HLTF: variants seen among roughly 807,000 people sequenced by gnomAD.
The protein encoded by HLTF is DNA-dependent ATPase/E3 ubiquitin-protein ligase HLTF.
HLTF carries 127 observed loss-of-function variants against 129.4 expected under a neutral mutation model. The ratio of observed to expected loss-of-function variants is 0.98; its 90% CI spans 0.85 to 1.14. The LOEUF is 1.14. Ranked by LOEUF, HLTF falls within the 50% of genes most tolerant of loss-of-function variation. HLTF has a pLI of 0.00. For missense variants in HLTF, 1,139 were observed against 1,187.1 expected, an observed-to-expected ratio of 0.96 and a Z score of 0.60; for synonymous variants, 332 against 388.8, an observed-to-expected ratio of 0.85 and a Z score of 1.72.
intron 23 of HLTF, among the ~76,000 whole-genome samples, chr3:149,036,964 T>A (rs1715690833): frequency 6.6e-6 from 1 of 152,158 alleles, no homozygotes; most frequent in South Asian, 2.1e-4. Flanking sequence ...CTGATCAACT[T>A]TTTCATACTA....
Position 149,060,766 on chromosome 3 carries a change from T to G in HLTF, c.1240+13A>C. 1 of 1,609,472 alleles carries G rather than the reference T, an allele frequency of 6.2e-7. No individual in the cohort carries two copies. The highest frequency in any genetic ancestry group is 8.5e-7 in the Non-Finnish European group (1 of 1,175,996). On this transcript the variant is annotated intron_variant, in intron 11 of 24. Transcript: ENST00000310053. ...ATAGGACACATTATCAAATCAAATC[T>G]ATTACATGTTACCTTTCATTTTCTG... is the stretch of plus-strand genomic sequence containing the variant.
At position 149,032,957 on chromosome 3, in the gene HLTF, C is replaced by CAAA. The variant is rs67952189; in HGVS notation, c.2878-588_2878-586dup. 4.2e-3 allele frequency among the ~76,000 whole-genome samples: 282 copies of CAAA among 67,538 alleles called. 4 individuals are homozygous for CAAA. The highest frequency in any genetic ancestry group is 0.015 in the African/African-American group (254 of 17,398). 44.3% of individuals were successfully genotyped at this position (67,538 alleles called of 152,430 possible). ...CAGCCTGGGTGACAGAGCGACGTCT[C>CAAA]AAAAAAAAAAAAAAAAAAAACAAAA... is the stretch of plus-strand genomic sequence containing the variant. On this transcript the variant is annotated intron_variant, in intron 24 of 24. Coordinates refer to ENST00000310053, the MANE Select transcript of HLTF (RefSeq NM_003071.4).
chr3:149,078,964 G>C (rs1310097425), intron 2 of HLTF, among the ~76,000 whole-genome samples: 1 of 151,990 alleles, frequency 6.6e-6, no homozygotes, highest in East Asian at 1.9e-4. Flanking sequence ...AGCAATTCTA[G>C]AGTCAAAAGG....
At chr3:149,032,611 G>C (rs771422616) in intron 24 of HLTF, among the ~76,000 whole-genome samples, 9 of 150,240 alleles carry the variant, frequency 6.0e-5, no homozygotes, top group Non-Finnish European at 1.2e-4. Context: ...AAGCAATAAA[G>C]AAAAAAAAAG....
intron 7 of HLTF, among the ~76,000 whole-genome samples, chr3:149,069,472 GAA>G (rs36037300): frequency 8.1e-6 from 1 of 122,724 alleles, no homozygotes; most frequent in Non-Finnish European, 1.8e-5. Context: ...TCCATCTCAA[GAA>G]AAAAAAAAAA....
chr3:149,068,691 T>G (rs993356924), intron 7 of HLTF, among the ~76,000 whole-genome samples: 7 of 152,212 alleles, frequency 4.6e-5, no homozygotes, highest in Admixed American at 1.3e-4. Context: ...CTAAAGTGAT[T>G]AGTAATTCCA....
At position 149,084,812 on chromosome 3, in the gene HLTF, A is replaced by G. The variant is rs374007638; in HGVS notation, c.98T>C (p.Phe33Ser). 6.2e-6 allele frequency: 10 copies of G among 1,614,004 alleles called. No individual in the cohort carries two copies. Among genetic ancestry groups the G allele is most frequent in the Middle Eastern group, 1.6e-4 (1 of 6,084 alleles). ...GNFPRLSYPT[F>S]FPRFEFQDVI... ...ATCTTGGAATTCAAAACGTGGAAAG[A>G]AAGTTGGATATGAGAGGCGTGGAAA... The change falls in exon 2 of 25, where the codon TTC (phenylalanine) becomes TCC (serine). Residue 33 changes from phenylalanine (F) to serine (S), a missense_variant. By Grantham distance (155) the Phe-to-Ser change is radical. Coordinates refer to ENST00000310053, the MANE Select transcript of HLTF (RefSeq NM_003071.4).
chr3:149,059,756 GAA>G lies in HLTF; in HGVS notation c.1335_1336del (p.Ser446IlefsTer24), dbSNP rs1342021869. The G allele has an allele frequency of 6.2e-7, 1 of 1,602,302 alleles. No individual in the cohort carries two copies. The highest frequency in any genetic ancestry group is 1.3e-5 in the African/African-American group (1 of 74,322). On this transcript the variant is annotated frameshift_variant, in exon 13 of 25. Transcript: ENST00000310053. LOFTEE classifies it high-confidence loss of function. ...TTTCTTTTTTGTTGTAGGAACAGAT[GAA>G]GTTAATGCACATGCAAATGCCACAT... is the stretch of plus-strand genomic sequence containing the variant.
chr3:149,041,417 C>T, intron 20 of HLTF, 73 bp downstream of exon 20: 3 of 953,038 alleles, frequency 3.1e-6, no homozygotes, highest in Non-Finnish European at 3.0e-6. Context: ...ACTCCATATA[C>T]TATCTTTTAT....
Position 149,071,647 on chromosome 3 carries a change from T to A in HLTF, c.638A>T (p.Glu213Val). 6.4e-7 allele frequency: 1 copy of A among 1,574,708 alleles called. No homozygotes were observed. ...TAAATCTTCAAACAATTTGTCAAAT[T>A]CTGTTTTAAGCTACAATAAACAGCA... ...VQMTTEQLKTEFDKLFEDLKE... is the reference protein window; with the variant it reads ...VQMTTEQLKTVFDKLFEDLKE... The change falls in exon 6 of 25, where the codon GAA becomes GTA. Residue 213 changes from glutamate to valine, a missense_variant. Transcript: ENST00000310053.
chr3:149,079,881 A>G lies in HLTF; in HGVS notation c.229-3834T>C, dbSNP rs370880281. 3.3e-4 allele frequency among the ~76,000 whole-genome samples: 50 copies of G among 152,256 alleles called. 1 individual carries two copies. Among genetic ancestry groups the G allele is most frequent in the African/African-American group, 1.0e-3 (43 of 41,550 alleles). On this transcript the variant is annotated intron_variant, in intron 2 of 24. Transcript: ENST00000310053. ...GCTGGGATTACAGGCGTGAGCCACC[A>G]TGCCCCATGCCCAGCCACAAAGTTT...
chr3:149,085,394 C>T (rs1041026627), intron 1 of HLTF, among the ~76,000 whole-genome samples: 8 of 152,120 alleles, frequency 5.3e-5, no homozygotes, highest in African/African-American at 1.9e-4. Context: ...GAGGCTGAGG[C>T]AGGAGAATCA....
intron 7 of HLTF, among the ~76,000 whole-genome samples, chr3:149,069,935 GT>G: frequency 6.6e-6 from 1 of 152,212 alleles, no homozygotes; most frequent in East Asian, 1.9e-4. Context: ...ATGAATGTAA[GT>G]TTTGGATATT....
intron 23 of HLTF, 90 bp downstream of exon 23, chr3:149,038,959 A>C (rs183887134): frequency 1.2e-5 from 8 of 688,266 alleles, no homozygotes; most frequent in Non-Finnish European, 1.8e-5. Flanking sequence ...ACAGTTAATT[A>C]TAACTATGAA....
chr3:149,076,627 T>G (rs544590167), intron 2 of HLTF, among the ~76,000 whole-genome samples: 6 of 152,194 alleles, frequency 3.9e-5, no homozygotes, highest in Non-Finnish European at 8.8e-5. Context: ...AGGATGGAAC[T>G]AGGTAAGAAA....
intron 8 of HLTF, among the ~76,000 whole-genome samples, chr3:149,066,369 TA>T (rs1371363140): frequency 6.6e-6 from 1 of 152,182 alleles, no homozygotes; most frequent in Non-Finnish European, 1.5e-5. Context: ...TATATTAAAA[TA>T]TTTTGCTCAG....
At chr3:149,084,399 G>A (rs771470721) in intron 2 of HLTF, among the ~76,000 whole-genome samples, 1 of 147,726 alleles carries the variant, frequency 6.8e-6, no homozygotes, top group Non-Finnish European at 1.5e-5. Context: ...GCAACAAATC[G>A]ATGACATGAA....
intron 2 of HLTF, among the ~76,000 whole-genome samples, chr3:149,084,116 A>T (rs1720125085): frequency 6.6e-6 from 1 of 152,140 alleles, no homozygotes; most frequent in Non-Finnish European, 1.5e-5. Flanking sequence ...TGTCATTCAT[A>T]AAATGCCACA....
Position 149,071,611 on chromosome 3 carries a change from T to A in HLTF, c.674A>T (p.Asp225Val), listed in dbSNP as rs1263843615. The A allele has an allele frequency of 3.1e-6, 5 of 1,597,964 alleles. No homozygotes were observed. The highest frequency in any genetic ancestry group is 1.1e-5 in the South Asian group (1 of 89,672). ...AGCTGGTTCCATTTCATGGGTTTTA[T>A]CATCTTCTTTTAAATCTTCAAACAA... ...DKLFEDLKED[D>V]KTHEMEPAEA... The change falls in exon 6 of 25, where the codon GAT (aspartate) becomes GTT (valine). Residue 225 changes from aspartate (D) to valine (V), a missense_variant. Transcript: ENST00000310053.
Sources: allele counts gnomAD v4.1 joint callset (sites outside exome capture counted in the v4.1 genomes callset), GRCh38; gene constraint gnomAD v4.1.1; transcripts MANE v1.5; gene names NCBI Gene and HGNC (gene_info 2026-07-23, HGNC 2026-07-21).